Variants in CSMD1 observed in about 807,000 individuals in gnomAD.
The protein encoded by CSMD1 is CUB and Sushi multiple domains 1.
In CSMD1, 213 loss-of-function variants were observed where a neutral mutation model predicts 417.5. The ratio of observed to expected loss-of-function variants is 0.51; its 90% CI spans 0.46 to 0.57. CSMD1 has a LOEUF of 0.57. Among genes scored for constraint, CSMD1 ranks in the 20% least tolerant of loss-of-function variants. CSMD1 has a pLI of 0.00. For missense variants in CSMD1, 6,923 were observed against 4,529.7 expected (o/e 1.53, Z -15.17); for synonymous variants, 2,862 against 1,736.8 (o/e 1.65, Z -16.11).
In CSMD1 at chr8:3,892,494, G is replaced by C. The variant is rs549935504; in HGVS notation, c.818+105409C>G. Among the ~76,000 whole-genome samples, 270 of 151,938 alleles carry C rather than the reference G, an allele frequency of 1.8e-3. 2 individuals are homozygous for C. Among genetic ancestry groups the C allele is most frequent in the Non-Finnish European group, 1.6e-3 (111 of 68,004 alleles). On this transcript the variant is annotated intron_variant, in intron 5 of 69. Transcript: ENST00000635120. The stretch of plus-strand genomic sequence containing the variant: ...AACTAAGTTCTGCAAGAGGATCTAA[G>C]AGACCGTGCATCCAATCCTATGTTA...
chr8:4,272,019 C>T (rs1028911026), intron 3 of CSMD1, among the ~76,000 whole-genome samples: 1 of 152,104 alleles, frequency 6.6e-6, no homozygotes. Context: ...TATTTTCCAT[C>T]CATGTTTGGT....
chr8:4,849,138 G>A (rs949623202), intron 1 of CSMD1, among the ~76,000 whole-genome samples: 5 of 152,042 alleles, frequency 3.3e-5, no homozygotes, highest in Non-Finnish European at 5.9e-5. Flanking sequence ...GCTAATGTGC[G>A]TTTGTGTCTT....
intron 39 of CSMD1, among the ~76,000 whole-genome samples, chr8:3,157,233 T>C (rs185241477): frequency 2.1e-3 from 314 of 152,220 alleles, no homozygotes; most frequent in Non-Finnish European, 3.9e-3. Flanking sequence ...GGGGCCTGAA[T>C]GATGGGGAGC....
intron 2 of CSMD1, among the ~76,000 whole-genome samples, chr8:4,485,311 T>C (rs538745073): frequency 1.3e-5 from 2 of 152,290 alleles, no homozygotes; most frequent in East Asian, 1.9e-4. Flanking sequence ...AGTTGAAATT[T>C]TTACCAACCA....
At chr8:3,190,942 A>T (rs1796382352) in intron 33 of CSMD1, among the ~76,000 whole-genome samples, 3 of 152,228 alleles carry the variant, frequency 2.0e-5, no homozygotes, top group Admixed American at 2.0e-4. Context: ...AGAGAGATTT[A>T]CAATGGTAGT....
intron 1 of CSMD1, among the ~76,000 whole-genome samples, chr8:4,861,413 G>T (rs1335378698): frequency 6.6e-6 from 1 of 152,082 alleles, no homozygotes; most frequent in Non-Finnish European, 1.5e-5. Context: ...TAAACATCCA[G>T]AAACATGTGA....
intron 3 of CSMD1, among the ~76,000 whole-genome samples, chr8:4,184,343 G>C (rs2131188027): frequency 6.6e-6 from 1 of 152,234 alleles, no homozygotes; most frequent in Non-Finnish European, 1.5e-5. Flanking sequence ...CAAGTCATTA[G>C]TCATCAACAC....
At chr8:4,868,558 C>T (rs1431240990) in intron 1 of CSMD1, among the ~76,000 whole-genome samples, 2 of 151,830 alleles carry the variant, frequency 1.3e-5, no homozygotes, top group East Asian at 1.9e-4. Context: ...TTATTGTTAC[C>T]GTTATTATTA....
chr8:4,847,402 ATT>A (rs938258342), intron 1 of CSMD1, among the ~76,000 whole-genome samples: 39 of 152,324 alleles, frequency 2.6e-4, no homozygotes, highest in African/African-American at 9.1e-4. Flanking sequence ...TTTTCAATAA[ATT>A]TTAAAATTTC....
At chr8:4,561,962 C>A (rs1365571777) in intron 2 of CSMD1, among the ~76,000 whole-genome samples, 1 of 152,096 alleles carries the variant, frequency 6.6e-6, no homozygotes, top group Non-Finnish European at 1.5e-5. Context: ...CCTCACAACG[C>A]CCATCCGGTA....
intron 10 of CSMD1, among the ~76,000 whole-genome samples, chr8:3,574,361 C>G (rs1173407275): frequency 6.6e-6 from 1 of 152,208 alleles, no homozygotes; most frequent in Non-Finnish European, 1.5e-5. Context: ...GGGCCTCAGC[C>G]TCTCGAATAG....
chr8:4,067,413 T>G (rs1289143417), intron 3 of CSMD1, among the ~76,000 whole-genome samples: 1 of 152,226 alleles, frequency 6.6e-6, no homozygotes, highest in Admixed American at 6.5e-5. Flanking sequence ...CCTAGACTAA[T>G]GAATATTTCC....
At chr8:3,500,204 A>G (rs900036877) in intron 10 of CSMD1, among the ~76,000 whole-genome samples, 2 of 152,104 alleles carry the variant, frequency 1.3e-5, no homozygotes, top group Admixed American at 1.3e-4. Context: ...GCTTCAGTAC[A>G]GTGTTCTCCC....
intron 3 of CSMD1, among the ~76,000 whole-genome samples, chr8:4,145,287 T>C (rs932750081): frequency 2.0e-5 from 3 of 151,088 alleles, no homozygotes; most frequent in Non-Finnish European, 4.4e-5. Flanking sequence ...CTTCCAATGC[T>C]TTCTTGTTGA....
At chr8:4,271,801 G>C (rs1410714514) in intron 3 of CSMD1, among the ~76,000 whole-genome samples, 2 of 152,072 alleles carry the variant, frequency 1.3e-5, no homozygotes, top group Non-Finnish European at 2.9e-5. Context: ...TACTCCTCCA[G>C]CTGCAAGCTT....
rs539223696 is a variant in CSMD1 at position 4,275,395 on chromosome 8, G to C, written c.415+144558C>G. ...AGGAATCATCTTTAATGTTTTAAAG[G>C]AAAGGACAAAGGAGAATAAATACAT... On this transcript the variant is annotated intron_variant, in intron 3 of 69. Coordinates refer to ENST00000635120, the MANE Select transcript of CSMD1 (RefSeq NM_033225.6). Among the ~76,000 whole-genome samples, 84 of 152,182 alleles carry C rather than the reference G, an allele frequency of 5.5e-4. No homozygotes were observed. The South Asian group carries it at 7.7e-3, about 14-fold the overall frequency.
chr8:3,787,045 G>A (rs374286912), intron 5 of CSMD1, among the ~76,000 whole-genome samples: 1 of 152,134 alleles, frequency 6.6e-6, no homozygotes, highest in African/African-American at 2.4e-5. Flanking sequence ...TATGTGTGAA[G>A]TGTCATATTT....
chr8:4,932,505 G>A lies in CSMD1; in HGVS notation c.85+61827C>T, dbSNP rs187003142. Among the ~76,000 whole-genome samples, 435 of 152,232 alleles carry A rather than the reference G, an allele frequency of 2.9e-3. 1 individual carries two copies. The highest frequency in any genetic ancestry group is 1.0e-2 in the African/African-American group (415 of 41,536). On this transcript the variant is annotated intron_variant, in intron 1 of 69. Transcript: ENST00000635120. ...TTAAGGCCTATTTCAATTAAAATGAGATATAAATGAACGTATTCACCTAGA... is the reference window on the plus strand; with the variant it reads ...TTAAGGCCTATTTCAATTAAAATGAAATATAAATGAACGTATTCACCTAGA...
chr8:3,975,396 A>G (rs1049756113), intron 5 of CSMD1, among the ~76,000 whole-genome samples: 1 of 152,176 alleles, frequency 6.6e-6, no homozygotes, highest in African/African-American at 2.4e-5. Flanking sequence ...TACAGTGAGC[A>G]TTATTTTTAA....
Sources: gnomAD v4.1 joint callset for allele counts (sites outside exome capture counted in the v4.1 genomes callset) on GRCh38, gnomAD v4.1.1 for gene constraint, MANE v1.5 for transcripts, NCBI Gene and HGNC (gene_info 2026-07-23, HGNC 2026-07-21) for gene names.